Variants in KIF26B observed in about 807,000 individuals in gnomAD.
KIF26B encodes kinesin-like protein KIF26B.
A neutral mutation model predicts 151.2 loss-of-function variants in KIF26B; 63 were observed. The ratio of observed to expected loss-of-function variants is 0.42; its 90% CI spans 0.34 to 0.51. KIF26B has a LOEUF of 0.51. Ranked by LOEUF, KIF26B falls within the 20% of genes least tolerant of loss-of-function variation. The probability of loss-of-function intolerance (pLI) is 0.07; values close to 1 mark genes in which losing one functional copy is unlikely to be tolerated. For missense variants in KIF26B, 2,813 were observed against 2,913.6 expected, an observed-to-expected ratio of 0.97 and a Z score of 0.79; for synonymous variants, 1,357 against 1,262.1, an observed-to-expected ratio of 1.08 and a Z score of -1.59.
chr1:245,528,805 T>C (rs1661298498), intron 4 of KIF26B, among the ~76,000 whole-genome samples: 1 of 152,210 alleles, frequency 6.6e-6, no homozygotes, highest in Non-Finnish European at 1.5e-5. Flanking sequence ...GTCGCCACCT[T>C]CCCGAGGTCA....
intron 4 of KIF26B, among the ~76,000 whole-genome samples, chr1:245,522,043 G>A (rs998347888): frequency 6.6e-6 from 1 of 151,952 alleles, no homozygotes; most frequent in Non-Finnish European, 1.5e-5. Flanking sequence ...CTAATTTTTT[G>A]TATTTTTAGT....
chr1:245,543,321 G>A (rs998369614), intron 5 of KIF26B, among the ~76,000 whole-genome samples: 1 of 152,338 alleles, frequency 6.6e-6, no homozygotes, highest in Middle Eastern at 3.4e-3. Flanking sequence ...TGTACCATAT[G>A]TAGTGACCAC....
rs560576716 is a variant in KIF26B at position 245,343,361 on chromosome 1, A to G, written c.466-23473A>G. On this transcript the variant is annotated intron_variant, in intron 2 of 14. Coordinates refer to ENST00000407071, the MANE Select transcript of KIF26B (RefSeq NM_018012.4). The stretch of plus-strand genomic sequence containing the variant: ...TTAAAACATTAAAAAGTTCCATGCA[A>G]TCTTTTTTTTTTTTCCTACCACAAT... Among the ~76,000 whole-genome samples, 22 of 150,188 alleles carry G rather than the reference A, an allele frequency of 1.5e-4. No homozygotes were observed. The East Asian group carries it at 3.9e-3, about 26-fold the overall frequency.
chr1:245,627,911 C>T (rs2103169391), intron 9 of KIF26B, among the ~76,000 whole-genome samples: 1 of 152,214 alleles, frequency 6.6e-6, no homozygotes. Flanking sequence ...GACACATACA[C>T]CCTCCCAAGA....
At chr1:245,432,505 CACAA>C (rs1214138442) in intron 4 of KIF26B, among the ~76,000 whole-genome samples, 3 of 152,180 alleles carry the variant, frequency 2.0e-5, no homozygotes, top group African/African-American at 4.8e-5. Context: ...ACAGGACTAG[CACAA>C]ACAAAGTAGG....
chr1:245,547,863 G>C (rs1339782154), intron 5 of KIF26B, among the ~76,000 whole-genome samples: 1 of 152,008 alleles, frequency 6.6e-6, no homozygotes, highest in African/African-American at 2.4e-5. Flanking sequence ...GAGCAGGGAG[G>C]ACTGGTTTGG....
At chr1:245,646,608 T>C (rs1356109428) in intron 10 of KIF26B, among the ~76,000 whole-genome samples, 1 of 152,160 alleles carries the variant, frequency 6.6e-6, no homozygotes, top group Non-Finnish European at 1.5e-5. Flanking sequence ...TTCATAGTGA[T>C]GAGAGTGAGG....
intron 5 of KIF26B, among the ~76,000 whole-genome samples, chr1:245,558,627 C>T (rs1558214188): frequency 6.6e-6 from 1 of 152,214 alleles, no homozygotes; most frequent in Non-Finnish European, 1.5e-5. Flanking sequence ...GTGCTAGATA[C>T]ATGTTTGTCT....
At chr1:245,506,856 A>G (rs1423308841) in intron 4 of KIF26B, among the ~76,000 whole-genome samples, 1 of 152,072 alleles carries the variant, frequency 6.6e-6, no homozygotes, top group Non-Finnish European at 1.5e-5. Flanking sequence ...ATTTTTTTGT[A>G]TTTATTAGAG....
At chr1:245,366,119 CAG>C (rs1258630696) in intron 2 of KIF26B, among the ~76,000 whole-genome samples, 1 of 152,172 alleles carries the variant, frequency 6.6e-6, no homozygotes, top group East Asian at 1.9e-4. Flanking sequence ...CAAGGGACCT[CAG>C]TGCAGTGGTC....
intron 2 of KIF26B, among the ~76,000 whole-genome samples, chr1:245,265,670 C>T (rs573786984): frequency 2.0e-5 from 3 of 151,616 alleles, no homozygotes; most frequent in East Asian, 1.9e-4. Flanking sequence ...TCACTGCAGC[C>T]GTGACCTCCC....
At chr1:245,642,562 GAAAAAAAAAAAA>G (rs34401122) in intron 9 of KIF26B, among the ~76,000 whole-genome samples, 15 of 73,040 alleles carry the variant, frequency 2.1e-4, no homozygotes, top group Admixed American at 5.3e-4. Flanking sequence ...CTCCGTCTCA[GAAAAAAAAAAAA>G]AAAAAAAAAA....
intron 4 of KIF26B, among the ~76,000 whole-genome samples, chr1:245,480,626 A>G (rs1183044284): frequency 1.3e-5 from 2 of 151,734 alleles, no homozygotes; most frequent in Non-Finnish European, 2.9e-5. Context: ...GTGACCGGGT[A>G]TACAGGCAGA....
intron 12 of KIF26B, among the ~76,000 whole-genome samples, chr1:245,693,373 T>A (rs2044651264): frequency 6.6e-6 from 1 of 152,224 alleles, no homozygotes; most frequent in Admixed American, 6.5e-5. Flanking sequence ...GCCTGCTTGG[T>A]GCCCAGCACT....
At chr1:245,534,556 C>T (rs6683746) in intron 4 of KIF26B, among the ~76,000 whole-genome samples, 11,450 of 152,130 alleles carry the variant, frequency 0.075, 470 homozygotes, top group African/African-American at 0.084. Flanking sequence ...TTATATGAAG[C>T]TAATGGATGT....
At chr1:245,225,075 T>C (rs954042856) in intron 2 of KIF26B, among the ~76,000 whole-genome samples, 2 of 152,224 alleles carry the variant, frequency 1.3e-5, no homozygotes, top group Non-Finnish European at 2.9e-5. Flanking sequence ...TCTACCACAA[T>C]GTCTGAGACT....
chr1:245,344,098 T>TCCCC (rs1672390925), intron 2 of KIF26B, among the ~76,000 whole-genome samples: 1 of 145,620 alleles, frequency 6.9e-6, no homozygotes, highest in Non-Finnish European at 1.5e-5. Context: ...CCTCCCTCCC[T>TCCCC]CTTTTCTTTC....
intron 3 of KIF26B, among the ~76,000 whole-genome samples, chr1:245,418,070 C>T (rs1364704056): frequency 3.3e-5 from 5 of 152,216 alleles, no homozygotes; most frequent in African/African-American, 7.2e-5. Context: ...GGAGCTTCAT[C>T]GATGCTGTTG....
At chr1:245,483,052 T>G (rs563841372) in intron 4 of KIF26B, among the ~76,000 whole-genome samples, 1 of 151,562 alleles carries the variant, frequency 6.6e-6, no homozygotes, top group Non-Finnish European at 1.5e-5. Flanking sequence ...CTGGGCATCA[T>G]TTATTTTGGA....
Sources: gnomAD v4.1 joint callset for allele counts (sites outside exome capture counted in the v4.1 genomes callset) on GRCh38, gnomAD v4.1.1 for gene constraint, MANE v1.5 for transcripts, NCBI Gene and HGNC (gene_info 2026-07-23, HGNC 2026-07-21) for gene names.